Variants in ALMS1 observed in about 807,000 individuals in gnomAD.
ALMS1 encodes centrosome-associated protein ALMS1.
A neutral mutation model predicts 352.2 loss-of-function variants in ALMS1; 271 were observed. The observed-to-expected ratio is 0.77, with a 90% CI of 0.70 to 0.85. The LOEUF (loss-of-function observed/expected upper bound fraction) is 0.85. ALMS1 is among the 40% of genes least tolerant of loss of function. The probability of loss-of-function intolerance (pLI) is 0.00; values close to 1 mark genes in which losing one functional copy is unlikely to be tolerated. For missense variants in ALMS1, 5,445 were observed against 4,870.7 expected (o/e 1.12, Z -3.51); for synonymous variants, 1,865 against 1,761.2 (o/e 1.06, Z -1.48).
In ALMS1 at chr2:73,453,776, A is replaced by C. The variant is rs1672000977; in HGVS notation, c.7249A>C (p.Ser2417Arg). 3.7e-6 allele frequency: 6 copies of C among 1,614,152 alleles called. No individual in the cohort carries two copies. Among genetic ancestry groups the C allele is most frequent in the Non-Finnish European group, 5.1e-6 (6 of 1,180,016 alleles). The change falls in exon 8 of 23, where the codon AGT becomes CGT. Residue 2417 changes from serine (S) to arginine (R), a missense_variant. Transcript: ENST00000613296. ...GACTGTCATAAAAAGTGATTCAAGT[A>C]GTGATGCCAGTGATGGAAATGGTTC... ...MMTVIKSDSS[S>R]DASDGNGSCS...
chr2:73,474,111 A>G (rs993428434), intron 9 of ALMS1, among the ~76,000 whole-genome samples: 3 of 152,100 alleles, frequency 2.0e-5, no homozygotes, highest in Non-Finnish European at 4.4e-5. Context: ...GTAGAAATAT[A>G]CTTTCCTTAA....
intron 5 of ALMS1, among the ~76,000 whole-genome samples, chr2:73,425,792 C>A (rs1005046555): frequency 6.6e-6 from 1 of 152,134 alleles, no homozygotes; most frequent in Non-Finnish European, 1.5e-5. Context: ...GTGTTTGAAC[C>A]AGCAGCTTCA....
chr2:73,488,344 C>T (rs761195896), intron 9 of ALMS1, among the ~76,000 whole-genome samples: 5 of 152,182 alleles, frequency 3.3e-5, no homozygotes, highest in Non-Finnish European at 5.9e-5. Flanking sequence ...CTGGCTGGGT[C>T]GCAACAGTGC....
rs534468793 is a variant in ALMS1, at chr2:73,463,378, A to C, written c.7674+8083A>C. Among the ~76,000 whole-genome samples the C allele has an allele frequency of 6.6e-5, 10 of 151,932 alleles. No individual in the cohort carries two copies. The South Asian group carries it at 1.9e-3, about 29-fold the overall frequency. On this transcript the variant is annotated intron_variant, in intron 9 of 22. Coordinates refer to ENST00000613296, the MANE Select transcript of ALMS1 (RefSeq NM_001378454.1). ...TGGGTACATAACGAAATGAAGGCAC[A>C]AATAAAGATGTTCTTTGAAACCAAC...
At position 73,582,505 on chromosome 2, in the gene ALMS1, A is replaced by C. The variant is rs1009084946; in HGVS notation, c.11547+9081A>C. 4.0e-5 allele frequency among the ~76,000 whole-genome samples: 6 copies of C among 151,242 alleles called. No homozygotes were observed. The Admixed American group carries it at 4.0e-4, about 10-fold the overall frequency. The stretch of plus-strand genomic sequence containing the variant: ...TTTCATATTGCAAACCTGAAACTCT[A>C]TACCCATTGAACAACAACTGCCCTT... On this transcript the variant is annotated intron_variant, in intron 16 of 22. Coordinates refer to ENST00000613296, the MANE Select transcript of ALMS1 (RefSeq NM_001378454.1).
chr2:73,444,922 ATAAT>A (rs1340784968), intron 7 of ALMS1, among the ~76,000 whole-genome samples: 1 of 152,140 alleles, frequency 6.6e-6, no homozygotes, highest in African/African-American at 2.4e-5. Flanking sequence ...TCAATAATTA[ATAAT>A]TAGGAACTTA....
chr2:73,488,003 C>T (rs986779388), intron 9 of ALMS1, among the ~76,000 whole-genome samples: 6 of 152,200 alleles, frequency 3.9e-5, no homozygotes, highest in Non-Finnish European at 8.8e-5. Flanking sequence ...GGAGGAGATG[C>T]ATGCCAATTG....
intron 3 of ALMS1, 109 bp downstream of exon 3, chr2:73,419,427 C>A (rs1671244566): frequency 1.2e-5 from 12 of 1,020,408 alleles, no homozygotes; most frequent in Non-Finnish European, 1.8e-5. Flanking sequence ...TCTGTAGAGA[C>A]CTACTCAGAG....
chr2:73,564,465 CAAAAAAAAAAAA>C (rs367797062), intron 15 of ALMS1, among the ~76,000 whole-genome samples: 1 of 63,362 alleles, frequency 1.6e-5, no homozygotes, highest in African/African-American at 5.3e-5. Context: ...GACTCCGTCT[CAAAAAAAAAAAA>C]AAAAAAAAAA....
chr2:73,560,181 G>A (rs1252158626), intron 15 of ALMS1, among the ~76,000 whole-genome samples: 1 of 152,106 alleles, frequency 6.6e-6, no homozygotes, highest in Non-Finnish European at 1.5e-5. Flanking sequence ...CAACTCAATA[G>A]CAAGAAAAAC....
chr2:73,542,764 A>G (rs1282578805), intron 12 of ALMS1, among the ~76,000 whole-genome samples: 1 of 152,162 alleles, frequency 6.6e-6, no homozygotes, highest in Non-Finnish European at 1.5e-5. Flanking sequence ...CCCATTCACA[A>G]TTGCTTCAAA....
intron 15 of ALMS1, among the ~76,000 whole-genome samples, chr2:73,571,709 T>A (rs1184519925): frequency 6.6e-6 from 1 of 152,088 alleles, no homozygotes; most frequent in Non-Finnish European, 1.5e-5. Context: ...TTTTATGTGT[T>A]TTTTACCACA....
In ALMS1 at chr2:73,563,732, A is replaced by T. The variant is rs546571652; in HGVS notation, c.10384+4590A>T. Among the ~76,000 whole-genome samples the T allele has an allele frequency of 7.2e-4, 101 of 141,054 alleles. 3 individuals are homozygous for T. The South Asian group carries it at 0.021, about 29-fold the overall frequency. 92.5% of individuals were successfully genotyped at this position (141,054 alleles called of 152,430 possible). Reference sequence around the variant, plus strand: ...AGCGAGACTCCATCTCAAAAAAAAAAAAAAAAAATAAAAATAAAAAATGAA... The same window carrying T: ...AGCGAGACTCCATCTCAAAAAAAAATAAAAAAAATAAAAATAAAAAATGAA... On this transcript the variant is annotated intron_variant, in intron 15 of 22. Transcript: ENST00000613296.
chr2:73,394,880 T>C (rs1179500291), intron 1 of ALMS1, among the ~76,000 whole-genome samples: 1 of 151,748 alleles, frequency 6.6e-6, no homozygotes, highest in Non-Finnish European at 1.5e-5. Flanking sequence ...TACTGAATAC[T>C]GTAGGCAGTT....
At chr2:73,524,639 G>T (rs1331042272) in intron 11 of ALMS1, among the ~76,000 whole-genome samples, 1 of 152,048 alleles carries the variant, frequency 6.6e-6, no homozygotes, top group Non-Finnish European at 1.5e-5. Flanking sequence ...TTTTAGTAGA[G>T]AAAGGGTTTC....
intron 15 of ALMS1, among the ~76,000 whole-genome samples, chr2:73,563,722 CAAAAAA>C (rs1170434973): frequency 3.8e-5 from 2 of 52,228 alleles, no homozygotes; most frequent in South Asian, 5.9e-4. Context: ...GACTCCATCT[CAAAAAA>C]AAAAAAAAAA....
chr2:73,585,468 A>G (rs1675289787), intron 16 of ALMS1, among the ~76,000 whole-genome samples: 2 of 144,308 alleles, frequency 1.4e-5, no homozygotes, highest in African/African-American at 5.2e-5. Flanking sequence ...GTCTTGGCTC[A>G]CTGCAACCTC....
intron 10 of ALMS1, among the ~76,000 whole-genome samples, chr2:73,519,534 A>G (rs979048269): frequency 1.3e-5 from 2 of 152,220 alleles, no homozygotes; most frequent in African/African-American, 4.8e-5. Context: ...ACTAAATTAT[A>G]TAATTTAACA....
At position 73,419,278 on chromosome 2, in the gene ALMS1, AAAG is replaced by A. The variant is rs769448460; in HGVS notation, c.607_609del (p.Lys203del). On this transcript the variant is annotated inframe_deletion, in exon 3 of 23. Coordinates refer to ENST00000613296, the MANE Select transcript of ALMS1 (RefSeq NM_001378454.1). ...TATTGACGCAATCAGAAAATCAAGTAAAGGAACCCAACAGAGATCTCTTCTGTT... is the reference window on the plus strand; with the variant it reads ...TATTGACGCAATCAGAAAATCAAGTAGAACCCAACAGAGATCTCTTCTGTT... 6.2e-7 allele frequency: 1 copy of A among 1,613,982 alleles called. No individual in the cohort carries two copies. Among genetic ancestry groups the A allele is most frequent in the African/African-American group, 1.3e-5 (1 of 74,926 alleles).
Sources: gnomAD v4.1 joint callset for allele counts (sites outside exome capture counted in the v4.1 genomes callset) on GRCh38, gnomAD v4.1.1 for gene constraint, MANE v1.5 for transcripts, NCBI Gene and HGNC (gene_info 2026-07-23, HGNC 2026-07-21) for gene names.